DMTF1: variants seen among roughly 807,000 people sequenced by gnomAD.
The protein encoded by DMTF1 is cyclin D binding myb like transcription factor 1.
DMTF1 carries 39 observed loss-of-function variants against 91.1 expected under a neutral mutation model. The ratio of observed to expected loss-of-function variants is 0.43; its 90% CI spans 0.33 to 0.56. The LOEUF (loss-of-function observed/expected upper bound fraction) is 0.56. DMTF1 is among the 20% of genes least tolerant of loss of function. The probability of loss-of-function intolerance (pLI) is 0.05; values close to 1 mark genes in which losing one functional copy is unlikely to be tolerated. For synonymous variants in DMTF1, 338 were observed against 309.5 expected, an observed-to-expected ratio of 1.09 and a Z score of -0.97; for missense variants, 750 against 914.5, an observed-to-expected ratio of 0.82 and a Z score of 2.32.
rs755806271 is a variant in DMTF1, at chr7:87,185,903, G to A, written c.1124G>A (p.Arg375His). The A allele has an allele frequency of 1.9e-6, 3 of 1,613,952 alleles. No individual in the cohort carries two copies. Among genetic ancestry groups the A allele is most frequent in the South Asian group, 1.1e-5 (1 of 91,080 alleles). ...TTAGCTGAGGGATGGAGTAGTGTCC[G>A]TTCACCACAATGGCTACGAAGTAAA... The part of the protein sequence containing the change: ...DLLAEGWSSV[R>H]SPQWLRSKWW... The change falls in exon 12 of 18, where the codon CGT becomes CAT. Residue 375 changes from arginine (R) to histidine (H), a missense_variant. By Grantham distance (29) the Arg-to-His change is conservative (BLOSUM62 0). Transcript: ENST00000331242.
intron 1 of DMTF1, chr7:87,153,093 C>G (rs970692797): frequency 6.6e-6 from 1 of 152,398 alleles, no homozygotes; most frequent in South Asian, 2.1e-4. Flanking sequence ...CAACTTCCCC[C>G]CCTTTGCTTT....
chr7:87,192,565 T>C (rs1027950753), intron 14 of DMTF1: 1 of 152,146 alleles, frequency 6.6e-6, no homozygotes, highest in African/African-American at 2.4e-5. Context: ...CAGACCTATT[T>C]TAGAGTGCAA....
chr7:87,172,739 G>A (rs1320384393), intron 5 of DMTF1, among the ~76,000 whole-genome samples: 1 of 152,208 alleles, frequency 6.6e-6, no homozygotes, highest in East Asian at 1.9e-4. Flanking sequence ...CGGTAGCACT[G>A]TTGCCAGGTC....
chr7:87,186,444 T>G (rs527605120), intron 12 of DMTF1: 1 of 154,546 alleles, frequency 6.5e-6, no homozygotes, highest in African/African-American at 2.4e-5. Context: ...AGATGAGGTC[T>G]TGCCATGTTA....
intron 1 of DMTF1, chr7:87,154,193 A>G (rs1296269220): frequency 2.0e-5 from 3 of 152,228 alleles, no homozygotes; most frequent in African/African-American, 7.2e-5. Flanking sequence ...AGAGAATCCA[A>G]TTTGGTGTGA....
chr7:87,177,330 A>G (rs1414079948), intron 7 of DMTF1, among the ~76,000 whole-genome samples: 1 of 152,054 alleles, frequency 6.6e-6, no homozygotes, highest in Non-Finnish European at 1.5e-5. Context: ...GTACCAATCT[A>G]GTGGGTGTTA....
intron 4 of DMTF1, among the ~76,000 whole-genome samples, chr7:87,170,377 C>T (rs1794792326): frequency 6.6e-6 from 1 of 152,170 alleles, no homozygotes; most frequent in African/African-American, 2.4e-5. Flanking sequence ...ATCTTCCAGT[C>T]GTTTCCCACC....
chr7:87,161,025 CCTTATAT>C (rs1347266227), intron 1 of DMTF1, among the ~76,000 whole-genome samples: 1 of 151,894 alleles, frequency 6.6e-6, no homozygotes, highest in Admixed American at 6.6e-5. Context: ...CATTTAGATA[CCTTATAT>C]CTTATATTAT....
intron 13 of DMTF1, among the ~76,000 whole-genome samples, chr7:87,190,700 T>C (rs963209614): frequency 6.6e-6 from 1 of 152,090 alleles, no homozygotes; most frequent in Admixed American, 6.6e-5. Context: ...AAACTTTATT[T>C]ACAAAAACTG....
At chr7:87,158,424 AAATC>A (rs1269506325) in intron 1 of DMTF1, among the ~76,000 whole-genome samples, 1 of 152,094 alleles carries the variant, frequency 6.6e-6, no homozygotes, top group Non-Finnish European at 1.5e-5. Flanking sequence ...TTTAAGGAAT[AAATC>A]AAATACATTT....
At chr7:87,154,749 CTAGTCCTTTTTTTAGAGATCTCT>C (rs1790233256) in intron 1 of DMTF1, among the ~76,000 whole-genome samples, 1 of 152,126 alleles carries the variant, frequency 6.6e-6, no homozygotes, top group African/African-American at 2.4e-5. Context: ...TAGCTGTCCT[CTAGTCCTTTTTTTAGAGATCTCT>C]TTTTTCAATC....
In DMTF1 at chr7:87,165,036, A is replaced by C. The variant is rs1223682197; in HGVS notation, c.95A>C (p.His32Pro). The C allele has an allele frequency of 6.2e-7, 1 of 1,606,882 alleles. No homozygotes were observed. The highest frequency in any genetic ancestry group is 8.5e-7 in the Non-Finnish European group (1 of 1,175,040). Residue 32 changes from histidine to proline, a missense_variant, in exon 3 of 18, where the codon CAC becomes CCC. Around this residue, in one of 3 missense-constraint regions of DMTF1, gnomAD observed 150 missense variants for 150.4 expected, o/e 1.00. Coordinates refer to ENST00000331242, the MANE Select transcript of DMTF1 (RefSeq NM_001142327.2). ...GACACAGAAGGGAATCTCATTCTTC[A>C]CTGCCCTCAGAATGGTAGGAGAACT... ...TQDTEGNLIL[H>P]CPQNEADEID... is the part of the protein sequence containing the mutation.
chr7:87,166,520 T>G lies in DMTF1; in HGVS notation c.147T>G (p.Pro49=), dbSNP rs764895924. ...TAGACTCAGAAGATAGTATTGAACCTCCACATAAAAGGCTTTGTTTGTCCT... is the reference window on the plus strand; with the variant it reads ...TAGACTCAGAAGATAGTATTGAACCGCCACATAAAAGGCTTTGTTTGTCCT... ...DEIDSEDSIE[P]PHKRLCLSSE... is the part of the protein sequence containing the mutation. Residue 49 remains proline, a synonymous_variant, in exon 4 of 18, where the codon CCT becomes CCG. Transcript: ENST00000331242. 1.9e-6 allele frequency: 3 copies of G among 1,613,226 alleles called. No individual in the cohort carries two copies. The highest frequency in any genetic ancestry group is 2.5e-6 in the Non-Finnish European group (3 of 1,179,430).
At position 87,173,573 on chromosome 7, in the gene DMTF1, G is replaced by T; in HGVS notation, c.366G>T (p.Leu122Phe). Residue 122 changes from leucine (L) to phenylalanine (F), a missense_variant, in exon 6 of 18, where the codon TTG becomes TTT. By Grantham distance (22) the Leu-to-Phe change is conservative. Around this residue, in one of 3 missense-constraint regions of DMTF1, gnomAD observed 150 missense variants for 150.4 expected, o/e 1.00. Transcript: ENST00000331242. ...QNEQLDEISP[L>F]GNEEVSAVSQ... The stretch of plus-strand genomic sequence containing the variant: ...AGCAACTAGATGAAATATCTCCCTT[G>T]GGTAACGAGGAAGTTTCAGCAGTTA... 6.2e-7 allele frequency: 1 copy of T among 1,610,206 alleles called. No homozygotes were observed. The highest frequency in any genetic ancestry group is 1.1e-5 in the South Asian group (1 of 90,718).
chr7:87,175,272 C>T (rs779229707), intron 7 of DMTF1, among the ~76,000 whole-genome samples: 49 of 151,998 alleles, frequency 3.2e-4, no homozygotes, highest in Non-Finnish European at 6.3e-4. Flanking sequence ...CCACCCATCT[C>T]GGCCTCCCAA....
chr7:87,160,024 CA>C (rs1460446993), intron 1 of DMTF1, among the ~76,000 whole-genome samples: 4 of 151,916 alleles, frequency 2.6e-5, no homozygotes, highest in African/African-American at 9.7e-5. Context: ...CCAGATAAAC[CA>C]AATGGGGAGG....
chr7:87,160,835 C>T (rs2129055713), intron 1 of DMTF1, among the ~76,000 whole-genome samples: 1 of 152,276 alleles, frequency 6.6e-6, no homozygotes, highest in East Asian at 1.9e-4. Flanking sequence ...TGGTCCTTCT[C>T]ATTCTCCTTT....
chr7:87,181,136 C>G (rs551497307), intron 8 of DMTF1, 173 bp from the exon 9 acceptor site: 2 of 422,936 alleles, frequency 4.7e-6, no homozygotes, highest in African/African-American at 2.0e-5. Context: ...AGGCGTGAGC[C>G]GCACCCTGCC....
chr7:87,171,240 A>G, intron 5 of DMTF1, 151 bp downstream of exon 5: 1 of 476,974 alleles, frequency 2.1e-6, no homozygotes, highest in Non-Finnish European at 3.6e-6. Context: ...GAAACAAATT[A>G]CAAAGTTTTT....
Sources: gnomAD v4.1 joint callset for allele counts (sites outside exome capture counted in the v4.1 genomes callset) on GRCh38, gnomAD v4.1.1 for gene constraint, gnomAD v4.1.1 regional missense constraint, MANE v1.5 for transcripts, NCBI Gene and HGNC (gene_info 2026-07-23, HGNC 2026-07-21) for gene names.